The following ZCWPW1 variants were observed in gnomAD, a reference collection of about 807,000 sequenced individuals.
ZCWPW1 encodes the protein zinc finger CW-type PWWP domain protein 1.
In ZCWPW1, 56 loss-of-function variants were observed where a neutral mutation model predicts 81.3. The ratio of observed to expected loss-of-function variants is 0.69; its 90% CI spans 0.56 to 0.86. ZCWPW1 has a LOEUF of 0.86. Among genes scored for constraint, ZCWPW1 ranks in the 40% least tolerant of loss-of-function variants. The pLI is 0.00. For synonymous variants in ZCWPW1, 250 were observed against 273.7 expected (o/e 0.91, Z 0.86); for missense variants, 650 against 769.8 (o/e 0.84, Z 1.84).
rs1318131769 is a variant in ZCWPW1, at chr7:100,401,088, G to A, written c.1876C>T (p.Leu626=). 47 of 1,614,076 alleles carry A rather than the reference G, an allele frequency of 2.9e-5. No individual in the cohort carries two copies. Among genetic ancestry groups the A allele is most frequent in the Non-Finnish European group, 3.9e-5 (46 of 1,180,028 alleles). ...TGCTGCAGCTCCCCGCTCTGCCCCA[G>A]CTCTCTCCCAACATCTTCCATGAGT... ...EQLMEDVGRE[L]GQSGELQHSN... The change falls in exon 18 of 18, where the codon CTG becomes TTG. Residue 626 remains leucine (L), a synonymous_variant. Transcript: ENST00000684423.
intron 11 of ZCWPW1, 58 bp downstream of exon 11, chr7:100,407,170 A>G (rs1234042024): frequency 6.7e-7 from 1 of 1,501,394 alleles, no homozygotes; most frequent in Non-Finnish European, 9.3e-7. Flanking sequence ...GTCTGTGAGG[A>G]TGGATTTGTT....
At chr7:100,401,583 G>A (rs997460056) in intron 17 of ZCWPW1, among the ~76,000 whole-genome samples, 3 of 152,178 alleles carry the variant, frequency 2.0e-5, no homozygotes, top group African/African-American at 7.2e-5. Context: ...GGAATATCCA[G>A]TGAGAGAGCT....
At chr7:100,419,274 G>A (rs367814402) in intron 4 of ZCWPW1, 85 bp from the exon 5 acceptor site, 28 of 1,179,074 alleles carry the variant, frequency 2.4e-5, no homozygotes, top group Non-Finnish European at 3.4e-5. Flanking sequence ...TCCTTCAGAT[G>A]AGGCAGTAAG....
At chr7:100,416,141 C>T in intron 7 of ZCWPW1, 44 bp from the exon 8 acceptor site, 2 of 1,610,476 alleles carry the variant, frequency 1.2e-6, no homozygotes, top group East Asian at 4.5e-5. Context: ...ATGAAGAAGA[C>T]AATCTTTGTA....
chr7:100,402,654 A>C, intron 15 of ZCWPW1, 78 bp from the exon 16 acceptor site: 2 of 1,426,422 alleles, frequency 1.4e-6, no homozygotes, highest in Non-Finnish European at 2.0e-6. Context: ...GATGCTACAG[A>C]ATGACAGGTG....
In ZCWPW1 at chr7:100,416,087, C is replaced by T. The variant is rs375799092; in HGVS notation, c.642G>A (p.Lys214=). 144 of 1,613,696 alleles carry T rather than the reference C, an allele frequency of 8.9e-5. No homozygotes were observed. Among genetic ancestry groups the T allele is most frequent in the Non-Finnish European group, 8.5e-5 (100 of 1,180,030 alleles). Residue 214 remains lysine (K), a synonymous_variant, in exon 8 of 18, where the codon AAG becomes AAA. Coordinates refer to ENST00000684423, the MANE Select transcript of ZCWPW1 (RefSeq NM_001386010.1). ...CATGTCCACCTTGAGTTTTCTCCAC[C>T]TTCTCATCTTCTGGGAAGAAAAAAG... is the stretch of plus-strand genomic sequence containing the variant. ...SKRKKEAQDE[K]VEKTQGGHEH...
At chr7:100,424,976 T>A (rs1052565214) in intron 2 of ZCWPW1, 54 bp downstream of exon 2, 2 of 152,162 alleles carry the variant, frequency 1.3e-5, no homozygotes, top group African/African-American at 4.8e-5. Context: ...TAGTATCACA[T>A]AATATGTATA....
chr7:100,423,236 C>T (rs575993025), intron 2 of ZCWPW1, among the ~76,000 whole-genome samples: 1 of 152,310 alleles, frequency 6.6e-6, no homozygotes, highest in African/African-American at 2.4e-5. Flanking sequence ...CTACTAATAA[C>T]ATATCTATTC....
At position 100,402,563 on chromosome 7, in the gene ZCWPW1, G is replaced by A; in HGVS notation, c.1427C>T (p.Pro476Leu). The A allele has an allele frequency of 6.2e-7, 1 of 1,614,022 alleles. No homozygotes were observed. Among genetic ancestry groups the A allele is most frequent in the Non-Finnish European group, 8.5e-7 (1 of 1,180,004 alleles). Residue 476 changes from proline (P) to leucine (L), a missense_variant, in exon 16 of 18, where the codon CCC becomes CTC. Coordinates refer to ENST00000684423, the MANE Select transcript of ZCWPW1 (RefSeq NM_001386010.1). ...CTGTATTTTGACTCGCTTACGAATG[G>A]GCAAAATTGGGTCCTGAGGATGGGA... is the stretch of plus-strand genomic sequence containing the variant. ...EEGEKTDPIL[P>L]IRKRVKIQTQ...
intron 1 of ZCWPW1, among the ~76,000 whole-genome samples, chr7:100,428,325 C>A (rs888660157): frequency 6.6e-6 from 1 of 152,190 alleles, no homozygotes; most frequent in Non-Finnish European, 1.5e-5. Context: ...GAGGCGCATG[C>A]GCAACTGGAA....
intron 13 of ZCWPW1, 81 bp from the exon 14 acceptor site, chr7:100,404,325 A>G: frequency 7.9e-7 from 1 of 1,269,356 alleles, no homozygotes. Flanking sequence ...GAATTTAGTT[A>G]TGATGAAATT....
At chr7:100,409,323 T>C (rs1272348099) in intron 9 of ZCWPW1, 105 bp downstream of exon 9, 8 of 896,032 alleles carry the variant, frequency 8.9e-6, no homozygotes, top group East Asian at 2.5e-5. Context: ...ACAAGGACAC[T>C]GAGTGCTAAC....
chr7:100,422,868 T>C (rs1432618925), intron 2 of ZCWPW1, among the ~76,000 whole-genome samples: 1 of 152,236 alleles, frequency 6.6e-6, no homozygotes, highest in African/African-American at 2.4e-5. Flanking sequence ...TCACTTAGGA[T>C]AACGGCCTCC....
At chr7:100,409,598 T>C in intron 8 of ZCWPW1, 54 bp from the exon 9 acceptor site, 1 of 1,325,802 alleles carries the variant, frequency 7.5e-7, no homozygotes, top group Non-Finnish European at 1.1e-6. Context: ...CTTCCTTCTT[T>C]AATCCAACTA....
Position 100,401,055 on chromosome 7 carries a change from T to G in ZCWPW1, c.1909A>C (p.Ser637Arg). Residue 637 changes from serine to arginine, a missense_variant, in exon 18 of 18, where the codon AGT becomes CGT. Ser to Arg is a moderately radical substitution (Grantham distance 110). Transcript: ENST00000684423. The stretch of plus-strand genomic sequence containing the variant: ...GCCACGGGGAAGTCCTCGCCATCAC[T>G]GTTGCTGTGCTGCAGCTCCCCGCTC... The part of the protein sequence containing the change: ...GQSGELQHSN[S>R]DGEDFPVALF... 1 of 1,613,990 alleles carries G rather than the reference T, an allele frequency of 6.2e-7. No individual in the cohort carries two copies. Among genetic ancestry groups the G allele is most frequent in the Non-Finnish European group, 8.5e-7 (1 of 1,179,902 alleles).
In ZCWPW1 at chr7:100,407,209, C is replaced by G. The variant is rs754435144; in HGVS notation, c.1068+19G>C. 14 of 1,612,722 alleles carry G rather than the reference C, an allele frequency of 8.7e-6. No individual in the cohort carries two copies. Among genetic ancestry groups the G allele is most frequent in the Admixed American group, 8.3e-5 (5 of 59,970 alleles). On this transcript the variant is annotated intron_variant, in intron 11 of 17. Coordinates refer to ENST00000684423, the MANE Select transcript of ZCWPW1 (RefSeq NM_001386010.1). The stretch of plus-strand genomic sequence containing the variant: ...TACTTTGGCCTGAGCTCCTTCTTAC[C>G]CTGAACCAGGAAACTCACCGGCAGG...
Position 100,401,883 on chromosome 7 carries a change from C to T in ZCWPW1, c.1627+6G>A. 6.2e-7 allele frequency: 1 copy of T among 1,608,452 alleles called. No individual in the cohort carries two copies. Among genetic ancestry groups the T allele is most frequent in the Non-Finnish European group, 8.5e-7 (1 of 1,176,784 alleles). ...CCCTTAGTTTTTCCCAGGCCTTGAG[C>T]CTTACCTGGCTGGTCAGAATCTGAA... On this transcript the variant is annotated splice_donor_region_variant and intron_variant, in intron 17 of 17. Coordinates refer to ENST00000684423, the MANE Select transcript of ZCWPW1 (RefSeq NM_001386010.1).
chr7:100,419,708 G>A lies in ZCWPW1; in HGVS notation c.204C>T (p.Thr68=). ...ASLKKKEEKA[T]MKNVPSREQE... The stretch of plus-strand genomic sequence containing the variant: ...GTTCCCTGCTTGGAACATTCTTCAT[G>A]GTTGCTTTTTCCTCTTTCTTCTTTA... The change falls in exon 4 of 18, where the codon ACC becomes ACT. Residue 68 remains threonine (T), a synonymous_variant. Coordinates refer to ENST00000684423, the MANE Select transcript of ZCWPW1 (RefSeq NM_001386010.1). The A allele has an allele frequency of 1.2e-6, 2 of 1,613,832 alleles. No homozygotes were observed. The highest frequency in any genetic ancestry group is 1.7e-6 in the Non-Finnish European group (2 of 1,179,990).
In ZCWPW1 at chr7:100,404,185, T is replaced by C; in HGVS notation, c.1314A>G (p.Glu438=). 6.2e-7 allele frequency: 1 copy of C among 1,614,168 alleles called. No individual in the cohort carries two copies. The highest frequency in any genetic ancestry group is 8.5e-7 in the Non-Finnish European group (1 of 1,180,024). ...AACCTCCATTTATCCTACCTTTTCTTTCCCCATTACTGTTAGATCCGTTGA... is the reference window on the plus strand; with the variant it reads ...AACCTCCATTTATCCTACCTTTTCTCTCCCCATTACTGTTAGATCCGTTGA... ...SRFNGSNSNG[E]RKDLQLSGLN... is the part of the protein sequence containing the mutation. The change falls in exon 14 of 18, where the codon GAA becomes GAG. Residue 438 remains glutamate, a synonymous_variant. Coordinates refer to ENST00000684423, the MANE Select transcript of ZCWPW1 (RefSeq NM_001386010.1).
Sources: allele counts gnomAD v4.1 joint callset (sites outside exome capture counted in the v4.1 genomes callset), GRCh38; gene constraint gnomAD v4.1.1; transcripts MANE v1.5; gene names NCBI Gene and HGNC (gene_info 2026-07-23, HGNC 2026-07-21).